Variants in BRINP3 observed in about 807,000 individuals in gnomAD.
BRINP3 encodes the protein BMP/retinoic acid inducible neural specific 3.
Under a neutral mutation model 71.0 loss-of-function variants are expected in BRINP3, and 19 were observed. The ratio of observed to expected loss-of-function variants is 0.27; its 90% CI spans 0.19 to 0.39. The LOEUF is 0.39. Ranked by LOEUF, BRINP3 falls within the 10% of genes least tolerant of loss-of-function variation. The pLI, the probability that BRINP3 is intolerant of heterozygous loss-of-function variation, is 1.00. For missense variants in BRINP3, 959 were observed against 940.8 expected (o/e 1.02, Z -0.25); for synonymous variants, 380 against 337.7 (o/e 1.13, Z -1.37).
intron 2 of BRINP3, among the ~76,000 whole-genome samples, chr1:190,338,318 C>T (rs1423255782): frequency 6.6e-6 from 1 of 151,966 alleles, no homozygotes; most frequent in Non-Finnish European, 1.5e-5. Context: ...TTAAGAATTA[C>T]TTAATAAAGG....
At chr1:190,270,838 T>A (rs577612563) in intron 3 of BRINP3, among the ~76,000 whole-genome samples, 94 of 151,814 alleles carry the variant, frequency 6.2e-4, no homozygotes, top group African/African-American at 2.1e-3. Context: ...GAAAATGCAT[T>A]AAAATGTTGA....
chr1:190,153,818 A>C (rs146337368), intron 7 of BRINP3, among the ~76,000 whole-genome samples: 1 of 152,300 alleles, frequency 6.6e-6, no homozygotes, highest in Non-Finnish European at 1.5e-5. Context: ...CTATGATCAC[A>C]ACAGCCTGAG....
chr1:190,352,918 T>A (rs1668490940), intron 2 of BRINP3, among the ~76,000 whole-genome samples: 1 of 151,818 alleles, frequency 6.6e-6, no homozygotes, highest in Non-Finnish European at 1.5e-5. Flanking sequence ...TTCATAGCTA[T>A]GAAAGTTAGA....
At chr1:190,119,631 A>G (rs979691491) in intron 7 of BRINP3, among the ~76,000 whole-genome samples, 3 of 152,188 alleles carry the variant, frequency 2.0e-5, no homozygotes, top group Admixed American at 6.6e-5. Context: ...AGTTTCACTT[A>G]TACTGAGTGC....
At chr1:190,439,110 G>T (rs1422285261) in intron 2 of BRINP3, among the ~76,000 whole-genome samples, 2 of 151,822 alleles carry the variant, frequency 1.3e-5, no homozygotes, top group Non-Finnish European at 2.9e-5. Flanking sequence ...AAGGCGAGAG[G>T]CGTAGGTGAG....
chr1:190,368,955 C>A (rs1669684880), intron 2 of BRINP3, among the ~76,000 whole-genome samples: 1 of 152,100 alleles, frequency 6.6e-6, no homozygotes, highest in African/African-American at 2.4e-5. Context: ...AATAAAAACT[C>A]TTTTCCTCCC....
In BRINP3 at chr1:190,287,574, T is replaced by C. The variant is rs1349007833; in HGVS notation, c.237-5824A>G. 3.9e-5 allele frequency among the ~76,000 whole-genome samples: 6 copies of C among 152,220 alleles called. No individual in the cohort carries two copies. In the East Asian group the frequency reaches 9.7e-4, roughly 25 times the overall value. ...AAAGTCCAATCACAAATACAACTTATGTAAAGTGTTTATATGTAGGATTTC... is the reference window on the plus strand; with the variant it reads ...AAAGTCCAATCACAAATACAACTTACGTAAAGTGTTTATATGTAGGATTTC... On this transcript the variant is annotated intron_variant, in intron 2 of 7. Transcript: ENST00000367462.
intron 6 of BRINP3, among the ~76,000 whole-genome samples, chr1:190,214,392 G>C (rs1441042585): frequency 6.6e-6 from 1 of 151,996 alleles, no homozygotes; most frequent in Non-Finnish European, 1.5e-5. Flanking sequence ...TGGGAGTTTT[G>C]TTCTGTTTAT....
At chr1:190,445,631 C>G (rs1214242641) in intron 2 of BRINP3, among the ~76,000 whole-genome samples, 2 of 151,562 alleles carry the variant, frequency 1.3e-5, no homozygotes, top group Non-Finnish European at 2.9e-5. Context: ...CTTCAAAGTG[C>G]TAAAACCCAG....
At chr1:190,401,844 A>G (rs1671950387) in intron 2 of BRINP3, among the ~76,000 whole-genome samples, 1 of 152,168 alleles carries the variant, frequency 6.6e-6, no homozygotes, top group African/African-American at 2.4e-5. Flanking sequence ...TATTAATTAT[A>G]ATGTACTTTT....
intron 2 of BRINP3, among the ~76,000 whole-genome samples, chr1:190,344,535 C>T (rs1157496199): frequency 2.6e-5 from 4 of 151,846 alleles, no homozygotes; most frequent in Admixed American, 6.6e-5. Flanking sequence ...CAGTATAGCT[C>T]TGAATCATTA....
rs562300192 is a variant in BRINP3 at position 190,376,319 on chromosome 1, G to T, written c.236+78336C>A. Among the ~76,000 whole-genome samples, 17 of 152,114 alleles carry T rather than the reference G, an allele frequency of 1.1e-4. No individual in the cohort carries two copies. The South Asian group carries it at 3.3e-3, about 30-fold the overall frequency. On this transcript the variant is annotated intron_variant, in intron 2 of 7. Coordinates refer to ENST00000367462, the MANE Select transcript of BRINP3 (RefSeq NM_199051.3). ...ATCTAGAACGTTCAATGCAGTCAAA[G>T]GAATGCACATTTAAAAAATTCAATA...
chr1:190,280,809 T>C (rs560844841), intron 3 of BRINP3, among the ~76,000 whole-genome samples: 55 of 152,062 alleles, frequency 3.6e-4, no homozygotes, highest in African/African-American at 1.3e-3. Context: ...TTGTGGGACA[T>C]GATTTGAAGT....
At chr1:190,220,103 G>A (rs1024069963) in intron 6 of BRINP3, among the ~76,000 whole-genome samples, 2 of 151,904 alleles carry the variant, frequency 1.3e-5, no homozygotes, top group Non-Finnish European at 2.9e-5. Context: ...AACGATCTGG[G>A]AATACTAGTC....
chr1:190,167,870 A>AT (rs1359375702), intron 6 of BRINP3, among the ~76,000 whole-genome samples: 1 of 152,116 alleles, frequency 6.6e-6, no homozygotes, highest in African/African-American at 2.4e-5. Flanking sequence ...GAATTTGCTC[A>AT]TTTTTTATTG....
At chr1:190,402,500 AAG>A (rs1232067221) in intron 2 of BRINP3, among the ~76,000 whole-genome samples, 1 of 152,134 alleles carries the variant, frequency 6.6e-6, no homozygotes, top group Non-Finnish European at 1.5e-5. Flanking sequence ...AATCTCTTAC[AAG>A]GTATCTTCAA....
intron 2 of BRINP3, among the ~76,000 whole-genome samples, chr1:190,287,106 A>G (rs1470050961): frequency 3.9e-5 from 6 of 151,980 alleles, no homozygotes; most frequent in Non-Finnish European, 7.4e-5. Context: ...GTGTGCCTGT[A>G]ATCCCAGCTA....
intron 2 of BRINP3, among the ~76,000 whole-genome samples, chr1:190,298,859 T>A (rs1275615422): frequency 2.0e-5 from 3 of 152,190 alleles, no homozygotes; most frequent in Non-Finnish European, 4.4e-5. Flanking sequence ...ATATCCTTGC[T>A]GACTTTTCAT....
intron 6 of BRINP3, among the ~76,000 whole-genome samples, chr1:190,212,922 T>C (rs138079517): frequency 2.0e-5 from 3 of 152,192 alleles, no homozygotes; most frequent in African/African-American, 7.2e-5. Flanking sequence ...GGTTGTTTAT[T>C]ATTGCAAATT....
Sources: allele counts gnomAD v4.1 joint callset (sites outside exome capture counted in the v4.1 genomes callset), GRCh38; gene constraint gnomAD v4.1.1; transcripts MANE v1.5; gene names NCBI Gene and HGNC (gene_info 2026-07-23, HGNC 2026-07-21).